SFMBT2: variants seen among roughly 807,000 people sequenced by gnomAD.
The protein encoded by SFMBT2 is Scm like with four mbt domains 2, also known as scm-like with four MBT domains protein 2.
SFMBT2 carries 38 observed loss-of-function variants against 110.1 expected under a neutral mutation model. The ratio of observed to expected loss-of-function variants is 0.35; its 90% confidence interval spans 0.27 to 0.45. The LOEUF (loss-of-function observed/expected upper bound fraction) is 0.45, where lower values mean the gene tolerates loss of function less well. Ranked by LOEUF, SFMBT2 falls within the 20% of genes least tolerant of loss-of-function variation. SFMBT2 has a pLI of 1.00. For missense variants in SFMBT2, 1,011 were observed against 1,094.9 expected (o/e 0.92, Z 1.08); for synonymous variants, 425 against 425.4 (o/e 1.00, Z 0.01).
chr10:7,315,307 T>C (rs1842980223), intron 4 of SFMBT2, among the ~76,000 whole-genome samples: 1 of 152,206 alleles, frequency 6.6e-6, no homozygotes. Context: ...GCAGATGCTA[T>C]GGGTGGGCCA....
chr10:7,374,603 A>G (rs1346297938), intron 2 of SFMBT2, among the ~76,000 whole-genome samples: 1 of 152,234 alleles, frequency 6.6e-6, no homozygotes, highest in Non-Finnish European at 1.5e-5. Context: ...CATTCAGTCA[A>G]GTTAACCAGG....
chr10:7,227,404 C>T (rs1264163128), intron 10 of SFMBT2, among the ~76,000 whole-genome samples: 1 of 152,214 alleles, frequency 6.6e-6, no homozygotes, highest in African/African-American at 2.4e-5. Flanking sequence ...ACTTACTGGC[C>T]TCACCTGTGA....
chr10:7,238,100 A>G (rs1840315053), intron 9 of SFMBT2, among the ~76,000 whole-genome samples: 1 of 152,178 alleles, frequency 6.6e-6, no homozygotes, highest in Non-Finnish European at 1.5e-5. Flanking sequence ...GGTGGAAGGC[A>G]CTGGACAGTC....
At chr10:7,280,091 C>T (rs1841906983) in intron 6 of SFMBT2, among the ~76,000 whole-genome samples, 1 of 152,170 alleles carries the variant, frequency 6.6e-6, no homozygotes, top group African/African-American at 2.4e-5. Context: ...CCAGAGTTCT[C>T]TCTTGATCTA....
intron 7 of SFMBT2, among the ~76,000 whole-genome samples, chr10:7,261,781 G>A (rs1029286329): frequency 3.3e-5 from 5 of 152,158 alleles, no homozygotes; most frequent in African/African-American, 9.7e-5. Context: ...TGACATGTTC[G>A]TGCTGGCCTT....
chr10:7,266,524 T>C (rs567743819), intron 7 of SFMBT2, among the ~76,000 whole-genome samples: 103 of 152,058 alleles, frequency 6.8e-4, no homozygotes, highest in Non-Finnish European at 1.3e-3. Flanking sequence ...GTCAGTGGGA[T>C]AGTGGGGAGC....
chr10:7,308,380 C>CA (rs1262366707), intron 4 of SFMBT2, among the ~76,000 whole-genome samples: 1 of 151,776 alleles, frequency 6.6e-6, no homozygotes, highest in East Asian at 1.9e-4. Context: ...CAAACAACAA[C>CA]AAAAATTTAG....
intron 8 of SFMBT2, among the ~76,000 whole-genome samples, chr10:7,247,275 C>A (rs373585833): frequency 3.9e-5 from 6 of 152,062 alleles, no homozygotes; most frequent in African/African-American, 1.4e-4. Flanking sequence ...CACCACCATA[C>A]CTGGCTAATT....
intron 11 of SFMBT2, among the ~76,000 whole-genome samples, chr10:7,216,701 G>A (rs1839554126): frequency 6.6e-6 from 1 of 152,070 alleles, no homozygotes; most frequent in Non-Finnish European, 1.5e-5. Flanking sequence ...ATATCCTGTA[G>A]CCTCTGATGA....
In SFMBT2 at chr10:7,300,466, T is replaced by C. The variant is rs535349674; in HGVS notation, c.437-14512A>G. Among the ~76,000 whole-genome samples, 4 of 152,282 alleles carry C rather than the reference T, an allele frequency of 2.6e-5. No individual in the cohort carries two copies. The East Asian group carries it at 7.7e-4, about 29-fold the overall frequency. Reference sequence around the variant, plus strand: ...CTTCCAAGGTAGTCTTTTGACAACATTCCTGGTCAACCCTCAGGCTTCTCA... The same window carrying C: ...CTTCCAAGGTAGTCTTTTGACAACACTCCTGGTCAACCCTCAGGCTTCTCA... On this transcript the variant is annotated intron_variant, in intron 4 of 20. Transcript: ENST00000397167.
At chr10:7,310,912 T>C (rs1418530693) in intron 4 of SFMBT2, among the ~76,000 whole-genome samples, 1 of 152,012 alleles carries the variant, frequency 6.6e-6, no homozygotes, top group East Asian at 1.9e-4. Flanking sequence ...CTGGGCATGG[T>C]GGCGGACGCC....
At chr10:7,209,797 C>T (rs1417049352) in intron 11 of SFMBT2, among the ~76,000 whole-genome samples, 1 of 152,180 alleles carries the variant, frequency 6.6e-6, no homozygotes, top group Non-Finnish European at 1.5e-5. Context: ...GAGAATCTGA[C>T]CCAAGATAAA....
chr10:7,405,947 C>CT (rs938268261), intron 1 of SFMBT2, among the ~76,000 whole-genome samples: 132 of 141,968 alleles, frequency 9.3e-4, no homozygotes, highest in Middle Eastern at 3.6e-3. Flanking sequence ...AATTTCCCAA[C>CT]TTTTTTTTTT....
intron 7 of SFMBT2, among the ~76,000 whole-genome samples, chr10:7,273,281 T>C (rs746947714): frequency 3.3e-5 from 5 of 152,214 alleles, no homozygotes; most frequent in Non-Finnish European, 5.9e-5. Context: ...ACCAAGATTG[T>C]TAACAATATT....
chr10:7,263,160 G>A (rs2692779), intron 7 of SFMBT2, among the ~76,000 whole-genome samples: 34,965 of 151,952 alleles, frequency 0.23, 4,146 homozygotes, highest in South Asian at 0.39. Context: ...TTCAATCAAT[G>A]GCACCGAGAT....
chr10:7,255,750 C>CA (rs1840984291), intron 7 of SFMBT2, among the ~76,000 whole-genome samples: 1 of 152,182 alleles, frequency 6.6e-6, no homozygotes, highest in African/African-American at 2.4e-5. Flanking sequence ...TTCTCACTCT[C>CA]CTACTAAGAT....
At chr10:7,208,837 T>C (rs901806077) in intron 11 of SFMBT2, among the ~76,000 whole-genome samples, 103 of 152,352 alleles carry the variant, frequency 6.8e-4, no homozygotes, top group African/African-American at 2.5e-3. Flanking sequence ...CATTAGTATA[T>C]TGCTAGGGCC....
intron 15 of SFMBT2, among the ~76,000 whole-genome samples, chr10:7,192,125 C>G (rs1203111993): frequency 2.6e-5 from 4 of 152,304 alleles, no homozygotes; most frequent in African/African-American, 9.6e-5. Context: ...CAAGTTCACA[C>G]CCACCCGTAA....
chr10:7,288,550 T>C (rs1412699137), intron 4 of SFMBT2, among the ~76,000 whole-genome samples: 4 of 152,170 alleles, frequency 2.6e-5, no homozygotes, highest in Non-Finnish European at 5.9e-5. Flanking sequence ...CTACACCCTT[T>C]TTAAAAGTGG....
Sources: allele counts gnomAD v4.1 joint callset (sites outside exome capture counted in the v4.1 genomes callset), GRCh38; gene constraint gnomAD v4.1.1; transcripts MANE v1.5; gene names NCBI Gene and HGNC (gene_info 2026-07-23, HGNC 2026-07-21).